The following WASF3 variants were observed in gnomAD, a reference collection of about 807,000 sequenced individuals.
WASF3 encodes the protein WASP family member 3.
Under a neutral mutation model 46.6 loss-of-function variants are expected in WASF3, and 11 were observed. That is an observed-to-expected ratio of 0.24 (90% CI 0.15 to 0.39). WASF3 has a LOEUF of 0.39. WASF3 is among the 10% of genes least tolerant of loss of function. The probability of loss-of-function intolerance (pLI) is 1.00; values close to 1 mark genes in which losing one functional copy is unlikely to be tolerated. For missense variants in WASF3, 576 were observed against 669.8 expected (o/e 0.86, Z 1.55); for synonymous variants, 242 against 259.7 (o/e 0.93, Z 0.65).
chr13:26,571,551 T>C (rs769839686), intron 1 of WASF3, among the ~76,000 whole-genome samples: 2 of 152,234 alleles, frequency 1.3e-5, no homozygotes, highest in Non-Finnish European at 2.9e-5. Flanking sequence ...GATTTCTGTA[T>C]GTAGCTGGGT....
chr13:26,585,456 A>G (rs1306281325), intron 1 of WASF3, among the ~76,000 whole-genome samples: 1 of 152,194 alleles, frequency 6.6e-6, no homozygotes, highest in Non-Finnish European at 1.5e-5. Flanking sequence ...CTATAATTTT[A>G]CTATACTCAG....
At chr13:26,556,232 A>C (rs1315656165), upstream of WASF3, among the ~76,000 whole-genome samples, 1 of 152,246 alleles carries the variant, frequency 6.6e-6, no homozygotes, top group Admixed American at 6.5e-5. Context: ...GTCACCGAAG[A>C]GGGAAGCAGC....
At position 26,616,105 on chromosome 13, in the gene WASF3, T is replaced by A. The variant is rs191049467; in HGVS notation, c.-11+3047T>A. 2.0e-5 allele frequency among the ~76,000 whole-genome samples: 3 copies of A among 152,356 alleles called. No homozygotes were observed. In the East Asian group the frequency reaches 5.8e-4, roughly 29 times the overall value. On this transcript the variant is annotated intron_variant, in intron 2 of 9. Transcript: ENST00000335327. ...ATATACAAGTCTTTATGTGGGCACA[T>A]GCTTTTATTTATTTTGGGTAAATAT...
chr13:26,664,686 A>G (rs892981206), intron 3 of WASF3, among the ~76,000 whole-genome samples: 1 of 152,264 alleles, frequency 6.6e-6, no homozygotes, highest in Admixed American at 6.5e-5. Context: ...GGAATAAGTG[A>G]AAGTTTGGTT....
chr13:26,567,771 C>T (rs1375611734), intron 1 of WASF3, among the ~76,000 whole-genome samples: 1 of 151,558 alleles, frequency 6.6e-6, no homozygotes, highest in Non-Finnish European at 1.5e-5. Flanking sequence ...CTTTAGTATA[C>T]AGCCTATGTG....
intron 1 of WASF3, among the ~76,000 whole-genome samples, chr13:26,567,053 G>A (rs943818960): frequency 1.3e-5 from 2 of 152,186 alleles, no homozygotes; most frequent in African/African-American, 4.8e-5. Context: ...GCATTCATGT[G>A]GTACATTGAA....
At chr13:26,588,744 C>T (rs1880204266) in intron 1 of WASF3, among the ~76,000 whole-genome samples, 1 of 152,162 alleles carries the variant, frequency 6.6e-6, no homozygotes, top group Non-Finnish European at 1.5e-5. Context: ...TTAATCTTTG[C>T]TCATCTAACA....
intron 1 of WASF3, among the ~76,000 whole-genome samples, chr13:26,569,001 A>T (rs1438441370): frequency 6.6e-6 from 1 of 152,124 alleles, no homozygotes; most frequent in Admixed American, 6.6e-5. Flanking sequence ...GACAGGTGAT[A>T]GTAAAGTATT....
intron 2 of WASF3, chr13:26,620,655 C>G (rs540270082): frequency 6.6e-6 from 1 of 152,144 alleles, no homozygotes; most frequent in Non-Finnish European, 1.5e-5. Context: ...ACCCATGATA[C>G]GTTGTTCTTC....
intron 1 of WASF3, among the ~76,000 whole-genome samples, chr13:26,582,411 C>T (rs564537973): frequency 1.3e-5 from 2 of 152,202 alleles, no homozygotes; most frequent in Non-Finnish European, 2.9e-5. Context: ...CACGGTGGCT[C>T]ACACCTGTAA....
chr13:26,550,421 C>A, the WASF3 span, among the ~76,000 whole-genome samples: 1 of 152,244 alleles, frequency 6.6e-6, no homozygotes, highest in South Asian at 2.1e-4. Flanking sequence ...CCAACAAGTG[C>A]AGTTCAAAGA....
chr13:26,619,668 G>A (rs1303759226), intron 2 of WASF3, among the ~76,000 whole-genome samples: 1 of 152,184 alleles, frequency 6.6e-6, no homozygotes, highest in East Asian at 1.9e-4. Context: ...AGTGTCAGGA[G>A]TTGAAGGACC....
chr13:26,677,248 G>T (rs1030828997), intron 7 of WASF3, among the ~76,000 whole-genome samples: 1 of 152,178 alleles, frequency 6.6e-6, no homozygotes, highest in Non-Finnish European at 1.5e-5. Context: ...TTCTATTGGC[G>T]TTTACTTAAA....
chr13:26,622,914 AAGAGAAC>A, intron 2 of WASF3, among the ~76,000 whole-genome samples: 1 of 152,224 alleles, frequency 6.6e-6, no homozygotes, highest in African/African-American at 2.4e-5. Context: ...ATTAGGATAT[AAGAGAAC>A]ATTGCTTCTA....
chr13:26,645,486 GTAGTTTAT>G (rs1401999368), intron 3 of WASF3, among the ~76,000 whole-genome samples: 2 of 152,058 alleles, frequency 1.3e-5, no homozygotes, highest in Non-Finnish European at 2.9e-5. Flanking sequence ...TAGATTATCT[GTAGTTTAT>G]TAGTGTTTAT....
intron 1 of WASF3, among the ~76,000 whole-genome samples, chr13:26,581,031 G>A (rs1879965888): frequency 6.7e-6 from 1 of 149,470 alleles, no homozygotes; most frequent in Non-Finnish European, 1.5e-5. Context: ...TCTGGGATCA[G>A]TTGATCCCCC....
chr13:26,626,726 A>G (rs915033307), intron 2 of WASF3, among the ~76,000 whole-genome samples: 1 of 152,236 alleles, frequency 6.6e-6, no homozygotes, highest in Non-Finnish European at 1.5e-5. Flanking sequence ...TGACCGTTAT[A>G]TCAAAGTAGA....
intron 6 of WASF3, 33 bp downstream of exon 6, chr13:26,672,022 C>A (rs770221241): frequency 7.0e-7 from 1 of 1,433,850 alleles, no homozygotes. Flanking sequence ...ATGTGCATAT[C>A]AGTGTTCAAA....
chr13:26,612,756 A>G (rs1298115934), intron 1 of WASF3, among the ~76,000 whole-genome samples: 1 of 152,174 alleles, frequency 6.6e-6, no homozygotes, highest in African/African-American at 2.4e-5. Flanking sequence ...AGTTAATTTC[A>G]GAGGTTTTTC....
Sources: gnomAD v4.1 joint callset for allele counts (sites outside exome capture counted in the v4.1 genomes callset) on GRCh38, gnomAD v4.1.1 for gene constraint, MANE v1.5 for transcripts, NCBI Gene and HGNC (gene_info 2026-07-23, HGNC 2026-07-21) for gene names.